Variants in UNC5D observed in about 807,000 individuals in gnomAD.
The protein encoded by UNC5D is unc-5 netrin receptor D, also known as netrin receptor UNC5D.
A neutral mutation model predicts 105.4 loss-of-function variants in UNC5D; 39 were observed. The observed-to-expected ratio is 0.37, with a 90% CI of 0.29 to 0.48. The LOEUF (loss-of-function observed/expected upper bound fraction) is 0.48. Among genes scored for constraint, UNC5D ranks in the 20% least tolerant of loss-of-function variants. The probability of loss-of-function intolerance (pLI) is 0.98; values close to 1 mark genes in which losing one functional copy is unlikely to be tolerated. For synonymous variants in UNC5D, 452 were observed against 450.4 expected (o/e 1.00, Z -0.04); for missense variants, 991 against 1,202.4 (o/e 0.82, Z 2.60).
intron 1 of UNC5D, among the ~76,000 whole-genome samples, chr8:35,311,371 T>C (rs188992284): frequency 3.3e-5 from 5 of 152,252 alleles, no homozygotes; most frequent in African/African-American, 1.2e-4. Context: ...TGTGGAGTAG[T>C]AGTCAAAAGT....
intron 4 of UNC5D, among the ~76,000 whole-genome samples, chr8:35,667,727 T>C (rs965855033): frequency 3.3e-5 from 5 of 152,220 alleles, no homozygotes; most frequent in African/African-American, 4.8e-5. Flanking sequence ...AGTTTGTTGA[T>C]CTGCTTTTTA....
chr8:35,723,945 T>C (rs1382289762), intron 9 of UNC5D, among the ~76,000 whole-genome samples: 1 of 151,972 alleles, frequency 6.6e-6, no homozygotes. Context: ...AACATTCAAC[T>C]CAAAGTGTTC....
chr8:35,495,053 G>A (rs1811459056), intron 1 of UNC5D, among the ~76,000 whole-genome samples: 1 of 151,996 alleles, frequency 6.6e-6, no homozygotes, highest in South Asian at 2.1e-4. Flanking sequence ...ATCCAGTGAG[G>A]GTCAGGATTC....
chr8:35,249,032 T>C (rs1297589238), intron 1 of UNC5D, among the ~76,000 whole-genome samples: 1 of 74,668 alleles, frequency 1.3e-5, no homozygotes, highest in Non-Finnish European at 2.3e-5. Flanking sequence ...TATGTTTATA[T>C]AATATATATT....
At chr8:35,723,124 T>A (rs138636203) in intron 9 of UNC5D, among the ~76,000 whole-genome samples, 6 of 152,340 alleles carry the variant, frequency 3.9e-5, no homozygotes, top group Non-Finnish European at 7.3e-5. Flanking sequence ...GGATGAAGTT[T>A]TCTACCTTGA....
rs536046449 is a variant in UNC5D at position 35,319,773 on chromosome 8, G to A, written c.103+83886G>A. ...CATGTTCTTTTGGGAACTATCAGTA[G>A]TATTCAGGGACCACAGGGAGGTAGA... is the stretch of plus-strand genomic sequence containing the variant. On this transcript the variant is annotated intron_variant, in intron 1 of 16. Transcript: ENST00000404895. Among the ~76,000 whole-genome samples the A allele has an allele frequency of 3.3e-5, 5 of 151,536 alleles. No homozygotes were observed. In the South Asian group the frequency reaches 1.0e-3, roughly 32 times the overall value.
At chr8:35,713,442 T>A (rs1265059059) in intron 8 of UNC5D, among the ~76,000 whole-genome samples, 1 of 152,234 alleles carries the variant, frequency 6.6e-6, no homozygotes. Context: ...CCCATCTGAT[T>A]GGCAAAAGCA....
intron 1 of UNC5D, among the ~76,000 whole-genome samples, chr8:35,413,781 G>A (rs1320071104): frequency 6.6e-6 from 1 of 152,056 alleles, no homozygotes; most frequent in African/African-American, 2.4e-5. Context: ...CACAGAAAGT[G>A]GATGAAAAAG....
chr8:35,625,424 C>A (rs560291034), intron 4 of UNC5D, among the ~76,000 whole-genome samples: 4 of 152,256 alleles, frequency 2.6e-5, no homozygotes, highest in Admixed American at 2.0e-4. Flanking sequence ...GATTTCATTG[C>A]AAACACATCA....
At chr8:35,583,169 T>C (rs954279882) in intron 3 of UNC5D, among the ~76,000 whole-genome samples, 5 of 152,072 alleles carry the variant, frequency 3.3e-5, no homozygotes, top group African/African-American at 1.2e-4. Flanking sequence ...CTGGGCAACA[T>C]AGTGAGACCC....
intron 7 of UNC5D, among the ~76,000 whole-genome samples, chr8:35,698,543 C>CTTAGTATATTCTGCAAGTTCATCTATG (rs1826956272): frequency 1.3e-5 from 2 of 152,038 alleles, no homozygotes; most frequent in Non-Finnish European, 2.9e-5. Flanking sequence ...GCTTGTTTTA[C>CTTAGTATATTCTGCAAGTTCATCTATG]TTAGTATATT....
chr8:35,367,621 A>G (rs1802191308), intron 1 of UNC5D, among the ~76,000 whole-genome samples: 1 of 152,216 alleles, frequency 6.6e-6, no homozygotes, highest in Admixed American at 6.5e-5. Flanking sequence ...CTGTTTCTGT[A>G]ATGGTATAAT....
chr8:35,515,243 A>G (rs1349274432), intron 1 of UNC5D, among the ~76,000 whole-genome samples: 1 of 152,238 alleles, frequency 6.6e-6, no homozygotes, highest in East Asian at 1.9e-4. Flanking sequence ...CTTCTTGGTA[A>G]ATGGAACCAA....
intron 4 of UNC5D, among the ~76,000 whole-genome samples, chr8:35,606,737 T>C (rs1820319079): frequency 6.6e-6 from 1 of 152,230 alleles, no homozygotes; most frequent in Non-Finnish European, 1.5e-5. Flanking sequence ...TGCAGTCTGG[T>C]AAGATAGCAG....
intron 4 of UNC5D, among the ~76,000 whole-genome samples, chr8:35,642,093 A>G (rs1278166350): frequency 6.6e-6 from 1 of 152,090 alleles, no homozygotes; most frequent in Non-Finnish European, 1.5e-5. Context: ...CTGAGGAATA[A>G]CTTTTTCCCT....
intron 1 of UNC5D, among the ~76,000 whole-genome samples, chr8:35,372,558 A>G (rs1563354247): frequency 1.3e-5 from 2 of 152,162 alleles, no homozygotes; most frequent in Non-Finnish European, 2.9e-5. Flanking sequence ...AAGGAAATGA[A>G]TAAGCTTTCA....
At position 35,408,762 on chromosome 8, in the gene UNC5D, AAAG is replaced by A. The variant is rs1237653928; in HGVS notation, c.104-140527_104-140525del. 1.6e-4 allele frequency among the ~76,000 whole-genome samples: 24 copies of A among 152,114 alleles called. 1 individual carries two copies. The East Asian group carries it at 4.4e-3, about 28-fold the overall frequency. ...CCATATGTGGGTACATAGAGATTAA[AAAG>A]AAAAAAAAAACTACTACCAATCACA... On this transcript the variant is annotated intron_variant, in intron 1 of 16. Coordinates refer to ENST00000404895, the MANE Select transcript of UNC5D (RefSeq NM_080872.4).
intron 1 of UNC5D, among the ~76,000 whole-genome samples, chr8:35,239,078 G>A (rs986266540): frequency 3.9e-5 from 6 of 152,074 alleles, no homozygotes; most frequent in African/African-American, 7.2e-5. Flanking sequence ...CAGCCCAGTG[G>A]CACCTTCTTA....
chr8:35,609,991 A>T (rs1480473334), intron 4 of UNC5D, among the ~76,000 whole-genome samples: 1 of 152,204 alleles, frequency 6.6e-6, no homozygotes, highest in Admixed American at 6.5e-5. Flanking sequence ...TTTCTTGGCA[A>T]CTAACTCATT....
Sources: allele counts gnomAD v4.1 joint callset (sites outside exome capture counted in the v4.1 genomes callset), GRCh38; gene constraint gnomAD v4.1.1; transcripts MANE v1.5; gene names NCBI Gene and HGNC (gene_info 2026-07-23, HGNC 2026-07-21).